Variants in ABTB3 observed in about 807,000 individuals in gnomAD.
ABTB3 encodes ankyrin repeat- and BTB/POZ domain-containing protein 3.
chr12:107,538,139 A>G, the ABTB3 span, among the ~76,000 whole-genome samples: 38,766 of 151,768 alleles, frequency 0.26, 5,250 homozygotes, highest in Admixed American at 0.35. Flanking sequence ...CCAAAACCCT[A>G]GGGATGCAGA....
chr12:107,598,461 G>A, the ABTB3 span, among the ~76,000 whole-genome samples: 1 of 152,218 alleles, frequency 6.6e-6, no homozygotes, highest in Non-Finnish European at 1.5e-5. Flanking sequence ...CCCTAGCTAA[G>A]TGGCCCTGTA....
the ABTB3 span, among the ~76,000 whole-genome samples, chr12:107,463,750 T>C: frequency 6.6e-6 from 1 of 152,194 alleles, no homozygotes; most frequent in Non-Finnish European, 1.5e-5. Context: ...TCATTTAATC[T>C]CCTCAGCACT....
chr12:107,365,330 T>C, the ABTB3 span, among the ~76,000 whole-genome samples: 1 of 152,232 alleles, frequency 6.6e-6, no homozygotes, highest in Non-Finnish European at 1.5e-5. Flanking sequence ...AACTTGCTCA[T>C]CTGTAAAATG....
the ABTB3 span, among the ~76,000 whole-genome samples, chr12:107,525,579 C>T: frequency 6.6e-6 from 1 of 152,048 alleles, no homozygotes. Context: ...GTAATGCAGT[C>T]TATGATGTTC....
chr12:107,359,334 C>T, the ABTB3 span, among the ~76,000 whole-genome samples: 1 of 152,198 alleles, frequency 6.6e-6, no homozygotes, highest in Non-Finnish European at 1.5e-5. Context: ...GGAGAAATGA[C>T]TGCTAATTAG....
the ABTB3 span, among the ~76,000 whole-genome samples, chr12:107,392,508 C>T: frequency 6.6e-6 from 1 of 152,170 alleles, no homozygotes; most frequent in Non-Finnish European, 1.5e-5. Flanking sequence ...TGTGTCTGGG[C>T]CCAGATCGTT....
the ABTB3 span, among the ~76,000 whole-genome samples, chr12:107,321,902 A>G: frequency 1.3e-5 from 2 of 151,998 alleles, no homozygotes; most frequent in Non-Finnish European, 2.9e-5. Context: ...TTTCTCCCTC[A>G]GTATTTCCTT....
the ABTB3 span, among the ~76,000 whole-genome samples, chr12:107,616,707 A>C: frequency 6.6e-6 from 1 of 152,146 alleles, no homozygotes; most frequent in African/African-American, 2.4e-5. Context: ...CCAGGAGGGG[A>C]GTCTTCCAGC....
chr12:107,552,008 T>C, the ABTB3 span, among the ~76,000 whole-genome samples: 3 of 152,346 alleles, frequency 2.0e-5, no homozygotes, highest in Admixed American at 2.0e-4. Context: ...TTCCTCGTTC[T>C]CCCAAAGTGC....
the ABTB3 span, among the ~76,000 whole-genome samples, chr12:107,654,647 T>C: frequency 6.6e-6 from 1 of 152,136 alleles, no homozygotes. Context: ...AGAAGTGTAG[T>C]ACTGAGATTT....
the ABTB3 span, among the ~76,000 whole-genome samples, chr12:107,340,601 G>GT: frequency 2.8e-3 from 416 of 149,916 alleles, 1 homozygote; most frequent in African/African-American, 4.2e-3. Context: ...GTGACTCCTC[G>GT]TTTTTTTTTC....
the ABTB3 span, among the ~76,000 whole-genome samples, chr12:107,515,365 C>T: frequency 2.2e-4 from 33 of 152,346 alleles, no homozygotes; most frequent in African/African-American, 7.0e-4. Flanking sequence ...CCCCAACATT[C>T]AGGGCCCAGG....
the ABTB3 span, among the ~76,000 whole-genome samples, chr12:107,488,295 A>G: frequency 3.6e-3 from 542 of 152,242 alleles, 5 homozygotes; most frequent in African/African-American, 0.012. Context: ...TAGTTATAAA[A>G]GTTGTTCATT....
chr12:107,432,661 G>A, the ABTB3 span, among the ~76,000 whole-genome samples: 2 of 152,166 alleles, frequency 1.3e-5, no homozygotes, highest in African/African-American at 2.4e-5. Context: ...CAGGCCATGG[G>A]CAAGTGAACA....
At chr12:107,512,804 A>G in the ABTB3 span, among the ~76,000 whole-genome samples, 6 of 152,354 alleles carry the variant, frequency 3.9e-5, no homozygotes, top group African/African-American at 1.4e-4. Flanking sequence ...AATATTTTAT[A>G]ACACTTCCTC....
the ABTB3 span, chr12:107,649,109 G>A: frequency 6.6e-6 from 7 of 1,054,518 alleles, no homozygotes; most frequent in Admixed American, 1.1e-4. Flanking sequence ...GGATGTCCTA[G>A]AGGTCTCAGG....
chr12:107,381,090 C>G, the ABTB3 span, among the ~76,000 whole-genome samples: 65 of 49,688 alleles, frequency 1.3e-3, 1 homozygote, highest in Admixed American at 0.011. Flanking sequence ...ACACTACCCA[C>G]CCCCCATCAT....
the ABTB3 span, among the ~76,000 whole-genome samples, chr12:107,336,336 A>T: frequency 6.6e-6 from 1 of 152,202 alleles, no homozygotes; most frequent in Non-Finnish European, 1.5e-5. Flanking sequence ...TTACCCACTC[A>T]ATCGTCTAAT....
chr12:107,554,451 T>A, the ABTB3 span, among the ~76,000 whole-genome samples: 1 of 152,174 alleles, frequency 6.6e-6, no homozygotes, highest in Non-Finnish European at 1.5e-5. Flanking sequence ...ACTCTGAGCC[T>A]CAGTCTCCTT....
Sources: allele counts gnomAD v4.1 joint callset (sites outside exome capture counted in the v4.1 genomes callset), GRCh38; gene constraint gnomAD v4.1.1; transcripts MANE v1.5; gene names NCBI Gene and HGNC (gene_info 2026-07-23, HGNC 2026-07-21).